The following LMBR1 variants were observed in gnomAD, a reference collection of about 807,000 sequenced individuals.
The protein encoded by LMBR1 is limb development membrane protein 1, also known as limb region 1 protein homolog.
LMBR1 carries 52 observed loss-of-function variants against 73.9 expected under a neutral mutation model. The observed-to-expected ratio is 0.70, with a 90% CI of 0.56 to 0.89. The LOEUF is 0.89. Among genes scored for constraint, LMBR1 ranks in the 40% least tolerant of loss-of-function variants. The pLI is 0.00. For synonymous variants in LMBR1, 215 were observed against 209.4 expected, an observed-to-expected ratio of 1.03 and a Z score of -0.23; for missense variants, 539 against 579.8, an observed-to-expected ratio of 0.93 and a Z score of 0.72.
intron 4 of LMBR1, among the ~76,000 whole-genome samples, chr7:156,817,876 C>T (rs775580539): frequency 5.9e-5 from 9 of 151,988 alleles, no homozygotes; most frequent in Non-Finnish European, 1.3e-4. Flanking sequence ...CTCTGTATAT[C>T]AACAAATACC....
intron 5 of LMBR1, among the ~76,000 whole-genome samples, chr7:156,774,609 A>T (rs191297996): frequency 9.1e-4 from 139 of 152,316 alleles, no homozygotes; most frequent in African/African-American, 3.1e-3. Flanking sequence ...AGGTGGGCAG[A>T]TCATCTGAGG....
At chr7:156,711,079 G>A (rs1585311047) in intron 15 of LMBR1, among the ~76,000 whole-genome samples, 1 of 152,306 alleles carries the variant, frequency 6.6e-6, no homozygotes, top group East Asian at 1.9e-4. Flanking sequence ...GGGAGGCCAA[G>A]GTGGGCAGAT....
chr7:156,794,491 A>G (rs932568815), intron 5 of LMBR1, among the ~76,000 whole-genome samples: 1 of 152,140 alleles, frequency 6.6e-6, no homozygotes, highest in Non-Finnish European at 1.5e-5. Context: ...TAATTCTTCA[A>G]ACAGATTTAG....
intron 1 of LMBR1, among the ~76,000 whole-genome samples, chr7:156,858,307 T>G (rs1448867214): frequency 6.6e-6 from 1 of 152,132 alleles, no homozygotes; most frequent in Admixed American, 6.5e-5. Context: ...TATTATGAAC[T>G]CCGTGCCCAC....
downstream of LMBR1, among the ~76,000 whole-genome samples, chr7:156,674,482 A>G (rs1399508258): frequency 3.3e-5 from 5 of 152,186 alleles, no homozygotes; most frequent in Admixed American, 3.3e-4. Context: ...CACTCTTCAC[A>G]TGTACTAAAA....
At chr7:156,742,929 AG>A (rs1819173550) in intron 9 of LMBR1, among the ~76,000 whole-genome samples, 1 of 152,202 alleles carries the variant, frequency 6.6e-6, no homozygotes, top group Non-Finnish European at 1.5e-5. Context: ...CCGAGATGCA[AG>A]GGTGGTTCAA....
chr7:156,819,774 G>A (rs1834465138), intron 4 of LMBR1, among the ~76,000 whole-genome samples: 4 of 152,156 alleles, frequency 2.6e-5, no homozygotes, highest in Non-Finnish European at 5.9e-5. Context: ...CAGGTAATCA[G>A]TGGAATTTTA....
intron 15 of LMBR1, among the ~76,000 whole-genome samples, chr7:156,715,404 A>G (rs1812997653): frequency 6.6e-6 from 1 of 152,248 alleles, no homozygotes; most frequent in African/African-American, 2.4e-5. Flanking sequence ...GAATCGTACA[A>G]TATAACAACA....
Position 156,802,017 on chromosome 7 carries a change from C to G in LMBR1, c.320-5525G>C, listed in dbSNP as rs375377151. On this transcript the variant is annotated intron_variant, in intron 4 of 16. Transcript: ENST00000353442. Reference sequence around the variant, plus strand: ...TTTTTTTTTCAGATGGAGTCTCACTCTGTTGCCCAGGCTGGAGTGCAATGG... The same window carrying G: ...TTTTTTTTTCAGATGGAGTCTCACTGTGTTGCCCAGGCTGGAGTGCAATGG... Among the ~76,000 whole-genome samples the G allele has an allele frequency of 2.0e-4, 30 of 152,168 alleles. No individual in the cohort carries two copies. The East Asian group carries it at 2.7e-3, about 14-fold the overall frequency.
At chr7:156,892,624 G>C (rs923185976) in intron 1 of LMBR1, 1 of 276,326 alleles carries the variant, frequency 3.6e-6, no homozygotes, top group Non-Finnish European at 6.8e-6. Flanking sequence ...GGGCAGCACC[G>C]AGGCCGCGGG....
chr7:156,885,499 T>C (rs933929654), intron 1 of LMBR1, among the ~76,000 whole-genome samples: 1 of 151,348 alleles, frequency 6.6e-6, no homozygotes, highest in Non-Finnish European at 1.5e-5. Flanking sequence ...CCTCTAATTC[T>C]AGCACTTTGG....
intron 5 of LMBR1, among the ~76,000 whole-genome samples, chr7:156,768,369 CA>C (rs1466510103): frequency 1.3e-5 from 2 of 151,682 alleles, no homozygotes; most frequent in African/African-American, 2.4e-5. Flanking sequence ...CAAAAAAAAA[CA>C]AAAAAGTAAA....
In LMBR1 at chr7:156,893,167, G is replaced by A; in HGVS notation, c.-174C>T. The A allele has an allele frequency of 2.0e-6, 1 of 504,576 alleles. No homozygotes were observed. The highest frequency in any genetic ancestry group is 3.1e-6 in the Non-Finnish European group (1 of 321,034). The allele number at this position is 504,576 out of a possible 1,614,324, so 31.3% of individuals were successfully genotyped here. A position where few individuals can be genotyped will look rare whatever the true frequency, so the allele number is the denominator to read the frequency against. On this transcript the variant is annotated 5_prime_UTR_variant, in exon 1 of 17. Coordinates refer to ENST00000353442, the MANE Select transcript of LMBR1 (RefSeq NM_022458.4). ...ACCGGCCGTCGCCTCAGCAGCCTCA[G>A]ACGAGCAGCTCTGACTAAGGGAGGG...
At chr7:156,793,700 T>C (rs1271372471) in intron 5 of LMBR1, among the ~76,000 whole-genome samples, 2 of 152,218 alleles carry the variant, frequency 1.3e-5, no homozygotes, top group Non-Finnish European at 2.9e-5. Flanking sequence ...AGTGATATTT[T>C]ATAGAATACT....
intron 9 of LMBR1, among the ~76,000 whole-genome samples, chr7:156,735,460 T>C (rs1248064555): frequency 6.6e-6 from 1 of 151,964 alleles, no homozygotes; most frequent in Non-Finnish European, 1.5e-5. Flanking sequence ...TTCGTATTCT[T>C]TATATTTTAC....
At chr7:156,887,231 C>T (rs865892692) in intron 1 of LMBR1, among the ~76,000 whole-genome samples, 10 of 151,936 alleles carry the variant, frequency 6.6e-5, no homozygotes, top group East Asian at 1.9e-4. Context: ...TTTGGGAGGC[C>T]GAGGCGGCAG....
intron 1 of LMBR1, among the ~76,000 whole-genome samples, chr7:156,870,473 A>G (rs1329469760): frequency 6.6e-6 from 1 of 152,212 alleles, no homozygotes; most frequent in African/African-American, 2.4e-5. Context: ...AAATTAGAAA[A>G]TATCTCAAGA....
rs562825965 is a variant in LMBR1, at chr7:156,864,454, A to G, written c.67-27569T>C. Among the ~76,000 whole-genome samples the G allele has an allele frequency of 2.1e-3, 315 of 152,336 alleles. 1 individual carries two copies. The highest frequency in any genetic ancestry group is 3.7e-3 in the Non-Finnish European group (250 of 68,026). On this transcript the variant is annotated intron_variant, in intron 1 of 16. Coordinates refer to ENST00000353442, the MANE Select transcript of LMBR1 (RefSeq NM_022458.4). ...ATAAACCTATGATGATATATTTTTAAATTCATTCACACTGCATGCCTTGGA... is the reference window on the plus strand; with the variant it reads ...ATAAACCTATGATGATATATTTTTAGATTCATTCACACTGCATGCCTTGGA...
intron 1 of LMBR1, among the ~76,000 whole-genome samples, chr7:156,851,483 C>T (rs973726042): frequency 4.6e-5 from 7 of 152,100 alleles, no homozygotes. Flanking sequence ...TAATATTATA[C>T]TTTAATACAA....
Sources: gnomAD v4.1 joint callset for allele counts (sites outside exome capture counted in the v4.1 genomes callset) on GRCh38, gnomAD v4.1.1 for gene constraint, MANE v1.5 for transcripts, NCBI Gene and HGNC (gene_info 2026-07-23, HGNC 2026-07-21) for gene names.